TTC39B: variants seen among roughly 807,000 people sequenced by gnomAD.
The protein encoded by TTC39B is tetratricopeptide repeat protein 39B.
Under a neutral mutation model 96.6 loss-of-function variants are expected in TTC39B, and 92 were observed. That is an observed-to-expected ratio of 0.95 (90% CI 0.80 to 1.13). The LOEUF is 1.13. TTC39B is among the 50% of genes most tolerant of loss of function. TTC39B has a pLI of 0.00. For missense variants in TTC39B, 955 were observed against 809.3 expected (o/e 1.18, Z -2.18); for synonymous variants, 367 against 299.4 (o/e 1.23, Z -2.33).
intron 6 of TTC39B, among the ~76,000 whole-genome samples, chr9:15,209,772 C>T (rs75302779): frequency 2.0e-5 from 3 of 152,146 alleles, no homozygotes; most frequent in African/African-American, 4.8e-5. Context: ...TCACATGTAA[C>T]GATCTGGGGA....
intron 17 of TTC39B, among the ~76,000 whole-genome samples, chr9:15,178,141 T>C (rs913568147): frequency 3.9e-5 from 6 of 152,016 alleles, no homozygotes; most frequent in Admixed American, 3.9e-4. Context: ...AGTGCTGGGA[T>C]TACAGGCGTG....
chr9:15,256,929 C>T (rs1355788839), intron 2 of TTC39B, among the ~76,000 whole-genome samples: 1 of 152,148 alleles, frequency 6.6e-6, no homozygotes, highest in Non-Finnish European at 1.5e-5. Flanking sequence ...CAGGAAAACT[C>T]ATGGATGGAT....
chr9:15,303,545 A>G (rs1246928301), intron 1 of TTC39B, among the ~76,000 whole-genome samples: 1 of 151,800 alleles, frequency 6.6e-6, no homozygotes, highest in African/African-American at 2.4e-5. Flanking sequence ...CTAACTATTC[A>G]TATTTTTATT....
intron 2 of TTC39B, among the ~76,000 whole-genome samples, chr9:15,259,717 T>C (rs1392755114): frequency 6.6e-6 from 1 of 152,194 alleles, no homozygotes; most frequent in Non-Finnish European, 1.5e-5. Flanking sequence ...ATCCAATGCA[T>C]TTTCACTTAC....
chr9:15,290,304 A>T (rs1824137123), intron 1 of TTC39B, among the ~76,000 whole-genome samples: 1 of 152,172 alleles, frequency 6.6e-6, no homozygotes, highest in Admixed American at 6.5e-5. Context: ...TCATCATGCC[A>T]AAGAGAAAAT....
chr9:15,226,925 T>TA (rs994156314), intron 2 of TTC39B, among the ~76,000 whole-genome samples: 3 of 152,088 alleles, frequency 2.0e-5, no homozygotes, highest in Admixed American at 2.0e-4. Flanking sequence ...CTAGAGTCAT[T>TA]AAAAAAAGAG....
At chr9:15,192,226 A>C (rs1818899157) in intron 9 of TTC39B, among the ~76,000 whole-genome samples, 1 of 152,216 alleles carries the variant, frequency 6.6e-6, no homozygotes, top group Non-Finnish European at 1.5e-5. Context: ...AATCATCAAA[A>C]ATCATTCCTC....
chr9:15,247,858 A>G (rs1822350650), intron 2 of TTC39B, among the ~76,000 whole-genome samples: 1 of 152,014 alleles, frequency 6.6e-6, no homozygotes, highest in South Asian at 2.1e-4. Flanking sequence ...AAGGAAAAAA[A>G]AAAAACGAGG....
intron 2 of TTC39B, among the ~76,000 whole-genome samples, chr9:15,234,404 G>A (rs1821655673): frequency 6.7e-6 from 1 of 150,336 alleles, no homozygotes; most frequent in Non-Finnish European, 1.5e-5. Context: ...CAGGAGGGAG[G>A]TGGGGGGGTC....
intron 2 of TTC39B, among the ~76,000 whole-genome samples, chr9:15,239,447 A>T (rs915222677): frequency 6.6e-5 from 10 of 152,218 alleles, no homozygotes; most frequent in African/African-American, 2.2e-4. Flanking sequence ...ATCATTATAT[A>T]AAAAAGATTC....
intron 10 of TTC39B, 28 bp downstream of exon 10, chr9:15,191,162 C>G (rs1241995141): frequency 6.6e-7 from 1 of 1,511,114 alleles, no homozygotes; most frequent in Non-Finnish European, 9.2e-7. Flanking sequence ...TCTTCCCTGT[C>G]AAAATTAACA....
chr9:15,306,713 A>G lies in TTC39B; in HGVS notation c.240+371T>C, dbSNP rs1397247609. Among the ~76,000 whole-genome samples, 1 of 152,224 alleles carries G rather than the reference A, an allele frequency of 6.6e-6. No individual in the cohort carries two copies. Among genetic ancestry groups the G allele is most frequent in the Non-Finnish European group, 1.5e-5 (1 of 68,038 alleles). On this transcript the variant is annotated intron_variant, in intron 1 of 19. Coordinates refer to ENST00000512701, the Ensembl canonical transcript of TTC39B. This position sits in a 1 kb window ranked among gnomAD's most constrained non-coding sequence, Gnocchi z 5.1. Reference sequence around the variant, plus strand: ...CCCAGAGAGCCAGTGCCAGGACTTCAGGGTCAGACTTCGTAAAGCCCAGGC... The same window carrying G: ...CCCAGAGAGCCAGTGCCAGGACTTCGGGGTCAGACTTCGTAAAGCCCAGGC...
At position 15,280,245 on chromosome 9, in the gene TTC39B, A is replaced by G. The variant is rs76628079; in HGVS notation, c.241-12297T>C. 7.6e-3 allele frequency among the ~76,000 whole-genome samples: 1,160 copies of G among 152,240 alleles called. 16 individuals are homozygous for G. The highest frequency in any genetic ancestry group is 0.027 in the African/African-American group (1,104 of 41,560). ...CACAGCCACAACTCAATCAATTGAC[A>G]TATTGTCTAAGGCTGCTTTCCTGTA... On this transcript the variant is annotated intron_variant, in intron 1 of 19. Coordinates refer to ENST00000512701, the Ensembl canonical transcript of TTC39B.
rs10120405 is a variant in TTC39B, at chr9:15,240,430, A to C, written c.276-14418T>G. Reference sequence around the variant, plus strand: ...TAGACTTCTTACAAAGCCTTCCTCAATCAAAACTGTAACCCTTAGTATTAT... The same window carrying C: ...TAGACTTCTTACAAAGCCTTCCTCACTCAAAACTGTAACCCTTAGTATTAT... On this transcript the variant is annotated intron_variant, in intron 2 of 19. Transcript: ENST00000512701. Among the ~76,000 whole-genome samples, 846 of 152,350 alleles carry C rather than the reference A, an allele frequency of 5.6e-3. 16 individuals are homozygous for C. Among genetic ancestry groups the C allele is most frequent in the African/African-American group, 0.018 (758 of 41,584 alleles).
Position 15,185,265 on chromosome 9 carries a change from A to G in TTC39B, c.1614+15T>C. 2 of 1,598,070 alleles carry G rather than the reference A, an allele frequency of 1.3e-6. No individual in the cohort carries two copies. The highest frequency in any genetic ancestry group is 1.7e-6 in the Non-Finnish European group (2 of 1,174,588). ...ATTTATTTCTAGTACATGAAAAGAA[A>G]ATAAAAGCAGATACCAGGGCAGGTA... On this transcript the variant is annotated intron_variant, in intron 16 of 19. Transcript: ENST00000512701.
At chr9:15,217,586 C>T (rs1372952090) in intron 3 of TTC39B, among the ~76,000 whole-genome samples, 1 of 152,184 alleles carries the variant, frequency 6.6e-6, no homozygotes, top group Non-Finnish European at 1.5e-5. Context: ...AGACTTCTGT[C>T]AAGTATCTCT....
chr9:15,173,711 T>C (rs1041726882), intron 19 of TTC39B, among the ~76,000 whole-genome samples: 1 of 152,150 alleles, frequency 6.6e-6, no homozygotes, highest in Non-Finnish European at 1.5e-5. Context: ...TCACACGCCA[T>C]TGCTTTAAAT....
At chr9:15,288,349 C>T (rs1824055267) in intron 1 of TTC39B, among the ~76,000 whole-genome samples, 3 of 152,064 alleles carry the variant, frequency 2.0e-5, no homozygotes, top group Non-Finnish European at 1.5e-5. Context: ...ATCCTGTACC[C>T]ATATAAACGC....
chr9:15,236,853 T>C lies in TTC39B; in HGVS notation c.276-10841A>G, dbSNP rs541474381. Among the ~76,000 whole-genome samples, 4 of 152,328 alleles carry C rather than the reference T, an allele frequency of 2.6e-5. No individual in the cohort carries two copies. The South Asian group carries it at 8.3e-4, about 32-fold the overall frequency. ...TAAGCGGAAAGTTTATAGCATTAAT[T>C]AAACGCCTACATCAGAAAGACAGAA... is the stretch of plus-strand genomic sequence containing the variant. On this transcript the variant is annotated intron_variant, in intron 2 of 19. Transcript: ENST00000512701.
Sources: allele counts gnomAD v4.1 joint callset (sites outside exome capture counted in the v4.1 genomes callset), GRCh38; gene constraint gnomAD v4.1.1; non-coding constraint Gnocchi (gnomAD v3.1); transcripts MANE v1.5; gene names NCBI Gene and HGNC (gene_info 2026-07-23, HGNC 2026-07-21).